Variants in ABCA12 observed in about 807,000 individuals in gnomAD.
ABCA12 encodes ATP binding cassette subfamily A member 12.
ABCA12 carries 156 observed loss-of-function variants against 293.5 expected under a neutral mutation model. That is an observed-to-expected ratio of 0.53 (90% confidence interval 0.47 to 0.61). ABCA12 has a LOEUF of 0.61. ABCA12 is among the 20% of genes least tolerant of loss of function. The pLI is 0.00. For missense variants in ABCA12, 2,797 were observed against 3,090.2 expected (o/e 0.91, Z 2.25); for synonymous variants, 1,063 against 1,108.0 (o/e 0.96, Z 0.81).
At chr2:215,052,966 C>G (rs1701350287) in intron 4 of ABCA12, among the ~76,000 whole-genome samples, 1 of 152,086 alleles carries the variant, frequency 6.6e-6, no homozygotes, top group African/African-American at 2.4e-5. Context: ...AACATCTGTT[C>G]AAAGGATCTG....
rs1188130858 is a variant in ABCA12, at chr2:214,943,120, C to CTA, written c.7344-105_7344-104dup. 6 of 875,186 alleles carry CTA rather than the reference C, an allele frequency of 6.9e-6. No homozygotes were observed. In the East Asian group the frequency reaches 1.6e-4, roughly 23 times the overall value. 54.2% of individuals were successfully genotyped at this position (875,186 alleles called of 1,614,324 possible). A position where few individuals can be genotyped will look rare whatever the true frequency, so the allele number is the denominator to read the frequency against. On this transcript the variant is annotated intron_variant, in intron 49 of 52. Transcript: ENST00000272895. The stretch of plus-strand genomic sequence containing the variant: ...TGTTTCATTATGGCACTTGGAAATA[C>CTA]TATTTTAGTTTTTTTCTTTTCTTTG...
chr2:214,967,369 C>A (rs889843074), intron 38 of ABCA12, among the ~76,000 whole-genome samples: 10 of 152,196 alleles, frequency 6.6e-5, no homozygotes, highest in Non-Finnish European at 1.2e-4. Flanking sequence ...AATACATATA[C>A]ACGCATGGTG....
chr2:215,051,684 GGA>G (rs148312850), intron 5 of ABCA12, among the ~76,000 whole-genome samples: 5 of 141,308 alleles, frequency 3.5e-5, no homozygotes, highest in Admixed American at 7.2e-5. Context: ...AAGGTGAGTG[GGA>G]GAGAGAGAGA....
chr2:214,960,779 A>T (rs916309889), intron 39 of ABCA12, among the ~76,000 whole-genome samples: 1 of 152,134 alleles, frequency 6.6e-6, no homozygotes, highest in African/African-American at 2.4e-5. Flanking sequence ...GGAAGGGACA[A>T]TGTGTTAGTA....
At chr2:214,998,001 T>G (rs1382111678) in intron 22 of ABCA12, among the ~76,000 whole-genome samples, 192 bp from the exon 23 acceptor site, 3 of 137,318 alleles carry the variant, frequency 2.2e-5, no homozygotes, top group African/African-American at 8.2e-5. Context: ...GTGATTTTTT[T>G]AGTGTAATGT....
Position 214,953,839 on chromosome 2 carries a change from T to G in ABCA12, c.6647+15A>C. On this transcript the variant is annotated intron_variant, in intron 44 of 52. Coordinates refer to ENST00000272895, the MANE Select transcript of ABCA12 (RefSeq NM_173076.3). ...CTGTTTTAGATGTCAAACGTTATGT[T>G]TTCATTATATTTACCTGAGTTTCTT... 1.2e-6 allele frequency: 2 copies of G among 1,612,460 alleles called. No individual in the cohort carries two copies. Among genetic ancestry groups the G allele is most frequent in the Non-Finnish European group, 1.7e-6 (2 of 1,179,022 alleles).
rs1202709489 is a variant in ABCA12, at chr2:214,997,582, T to C, written c.3294+113A>G. ...TTTGTAAAAGGTTTTTCTTTCTGTT[T>C]AATTCACAAGGGATAAGTTAGGCTT... On this transcript the variant is annotated intron_variant, in intron 23 of 52. Coordinates refer to ENST00000272895, the MANE Select transcript of ABCA12 (RefSeq NM_173076.3). 10 of 760,532 alleles carry C rather than the reference T, an allele frequency of 1.3e-5. No homozygotes were observed. In the Admixed American group the frequency reaches 2.9e-4, roughly 22 times the overall value. 47.1% of individuals were successfully genotyped at this position (760,532 alleles called of 1,614,324 possible). A position where few individuals can be genotyped will look rare whatever the true frequency, so the allele number is the denominator to read the frequency against.
rs373114761 is a variant in ABCA12 at position 215,134,547 on chromosome 2, C to T, written c.69+3593G>A. Among the ~76,000 whole-genome samples, 369 of 94,274 alleles carry T rather than the reference C, an allele frequency of 3.9e-3. 21 individuals are homozygous for T. Among genetic ancestry groups the T allele is most frequent in the African/African-American group, 0.019 (290 of 15,080 alleles). The allele number at this position is 94,274 out of a possible 152,430, so 61.8% of individuals were successfully genotyped here. A position where few individuals can be genotyped will look rare whatever the true frequency, so the allele number is the denominator to read the frequency against. ...ATATACGTATATATGTACATATATA[C>T]GTATATGTATATATGTGTGTATATA... On this transcript the variant is annotated intron_variant, in intron 1 of 52. Transcript: ENST00000272895.
intron 2 of ABCA12, among the ~76,000 whole-genome samples, chr2:215,085,656 A>G (rs1361978521): frequency 2.6e-5 from 4 of 152,210 alleles, no homozygotes; most frequent in African/African-American, 9.7e-5. Flanking sequence ...CTTTACGTAC[A>G]CAAGGATAAG....
At chr2:215,027,008 A>C in intron 9 of ABCA12, 70 bp from the exon 10 acceptor site, 1 of 1,164,364 alleles carries the variant, frequency 8.6e-7, no homozygotes, top group Non-Finnish European at 1.3e-6. Flanking sequence ...TGTTGAGATC[A>C]TTTTGGTCCC....
At chr2:215,084,407 G>A (rs1523718) in intron 2 of ABCA12, among the ~76,000 whole-genome samples, 95,252 of 151,988 alleles carry the variant, frequency 0.63, 30,160 homozygotes, top group South Asian at 0.77. Context: ...AGTCACAACA[G>A]TTGATTTTCT....
At chr2:214,994,230 A>T (rs1699988083) in intron 23 of ABCA12, among the ~76,000 whole-genome samples, 2 of 152,058 alleles carry the variant, frequency 1.3e-5, no homozygotes, top group Admixed American at 1.3e-4. Flanking sequence ...GAGCGGCTAG[A>T]TGTGCTTTCT....
chr2:215,100,278 A>G (rs1421397077), intron 2 of ABCA12, among the ~76,000 whole-genome samples: 1 of 152,120 alleles, frequency 6.6e-6, no homozygotes, highest in Non-Finnish European at 1.5e-5. Flanking sequence ...TAGTCTACCT[A>G]TCTTTAGCCA....
chr2:215,024,130 A>T (rs758875681), intron 11 of ABCA12, among the ~76,000 whole-genome samples: 218 of 152,144 alleles, frequency 1.4e-3, no homozygotes, highest in Non-Finnish European at 2.5e-3. Flanking sequence ...CAGCCTTCAA[A>T]ACTCAGAGAA....
At chr2:214,967,020 G>C in intron 38 of ABCA12, 67 bp from the exon 39 acceptor site, 3 of 1,165,138 alleles carry the variant, frequency 2.6e-6, no homozygotes, top group Non-Finnish European at 3.9e-6. Context: ...CTTAACATCT[G>C]ACAGCTATCT....
chr2:215,063,466 A>G (rs1370043683), intron 3 of ABCA12, among the ~76,000 whole-genome samples: 2 of 152,000 alleles, frequency 1.3e-5, no homozygotes, highest in Non-Finnish European at 2.9e-5. Context: ...AGGAAAATTG[A>G]AGTTGTAAAT....
chr2:215,012,635 T>C (rs1161928816), intron 15 of ABCA12, among the ~76,000 whole-genome samples: 4 of 152,114 alleles, frequency 2.6e-5, no homozygotes, highest in Non-Finnish European at 4.4e-5. Context: ...GGGCTAGAGA[T>C]TGAAATGAGA....
At position 215,058,232 on chromosome 2, in the gene ABCA12, T is replaced by C. The variant is rs146577326; in HGVS notation, c.318-3568A>G. Among the ~76,000 whole-genome samples the C allele has an allele frequency of 2.6e-5, 4 of 152,148 alleles. No homozygotes were observed. The East Asian group carries it at 7.8e-4, about 30-fold the overall frequency. On this transcript the variant is annotated intron_variant, in intron 3 of 52. Coordinates refer to ENST00000272895, the MANE Select transcript of ABCA12 (RefSeq NM_173076.3). ...ACATTTGGCAATGTCTGGAGACATATTTGGTTGTCACAACTGTGCGTGGAG... is the reference window on the plus strand; with the variant it reads ...ACATTTGGCAATGTCTGGAGACATACTTGGTTGTCACAACTGTGCGTGGAG...
At chr2:215,124,123 TATTCCATCACATATATA>T (rs1358251806) in intron 1 of ABCA12, among the ~76,000 whole-genome samples, 2 of 152,260 alleles carry the variant, frequency 1.3e-5, no homozygotes, top group Non-Finnish European at 2.9e-5. Flanking sequence ...GGCTGCGTAG[TATTCCATCACATATATA>T]TTCCACAGTT....
Sources: gnomAD v4.1 joint callset for allele counts (sites outside exome capture counted in the v4.1 genomes callset) on GRCh38, gnomAD v4.1.1 for gene constraint, MANE v1.5 for transcripts, NCBI Gene and HGNC (gene_info 2026-07-23, HGNC 2026-07-21) for gene names.